Variants in HCCS observed in about 807,000 individuals in gnomAD.
HCCS encodes the protein holocytochrome c-type synthase.
Under a neutral mutation model 24.2 loss-of-function variants are expected in HCCS, and 2 were observed. The ratio of observed to expected loss-of-function variants is 0.08; its 90% CI spans 0.03 to 0.26. The LOEUF is 0.26. HCCS is among the 10% of genes least tolerant of loss of function. The pLI is 1.00. For synonymous variants in HCCS, 73 were observed against 76.2 expected, an observed-to-expected ratio of 0.96 and a Z score of 0.22; for missense variants, 150 against 213.3, an observed-to-expected ratio of 0.70 and a Z score of 1.85.
chrX:11,114,858 T>C lies in HCCS; in HGVS notation c.124T>C (p.Ser42Pro). 8.3e-7 allele frequency: 1 copy of C among 1,210,081 alleles called. No homozygotes were observed. The highest frequency in any genetic ancestry group is 1.8e-5 in the South Asian group (1 of 56,969). Residue 42 changes from serine (S) to proline (P), a missense_variant, in exon 3 of 7, where the codon TCT (serine) becomes CCT (proline). By Grantham distance (74) the Ser-to-Pro change is moderately conservative (BLOSUM62 -1). This residue lies in a region of HCCS where 95 missense variants were observed against 79.1 expected (regional missense o/e 1.20). Coordinates refer to ENST00000380762, the MANE Select transcript of HCCS (RefSeq NM_005333.5). ...MKGCPVNTEP[S>P]GPTCEKKTYS... ...AGGCTGTCCAGTGAATACAGAGCCA[T>C]CTGGCCCAACCTGTGAGAAGAAAAC...
intron 3 of HCCS, 83 bp from the exon 4 acceptor site, chrX:11,117,184 G>A (rs1209517795): frequency 5.0e-6 from 4 of 793,730 alleles, no homozygotes; most frequent in Non-Finnish European, 7.7e-6. Flanking sequence ...CTTTTTGTGT[G>A]ATGTATTGCT....
intron 5 of HCCS, chrX:11,119,970 A>G (rs1427468034): frequency 6.2e-6 from 2 of 323,454 alleles, no homozygotes; most frequent in Admixed American, 3.2e-5. Context: ...TCTCCAGAAG[A>G]AAGTTTTGCC....
chrX:11,115,630 G>A (rs1188975152), intron 3 of HCCS, among the ~76,000 whole-genome samples: 1 of 112,017 alleles, frequency 8.9e-6, no homozygotes, highest in Admixed American at 9.4e-5. Flanking sequence ...GAAATATTTA[G>A]CCTGGAAAAG....
intron 5 of HCCS, among the ~76,000 whole-genome samples, chrX:11,120,658 A>C (rs1473549243): frequency 9.0e-6 from 1 of 110,665 alleles, no homozygotes; most frequent in Non-Finnish European, 1.9e-5. Context: ...CTGACTCCTC[A>C]AAGTGCAGTG....
At chrX:11,116,544 A>G (rs1042334714) in intron 3 of HCCS, among the ~76,000 whole-genome samples, 1 of 113,125 alleles carries the variant, frequency 8.8e-6, no homozygotes, top group African/African-American at 3.2e-5. Context: ...CTTCTAACAC[A>G]GAAAGTTCAA....
chrX:11,116,171 A>C (rs2045447052), intron 3 of HCCS: 1 of 112,827 alleles, frequency 8.9e-6, no homozygotes, highest in Non-Finnish European at 1.9e-5. Context: ...TTAGTCGTAA[A>C]CACTACTGTA....
chrX:11,112,705 G>A (rs2045419497), intron 2 of HCCS, among the ~76,000 whole-genome samples: 1 of 112,998 alleles, frequency 8.8e-6, no homozygotes. Context: ...ACATGAGAAC[G>A]TAGTGAGTAC....
At chrX:11,113,302 T>C (rs957213141) in intron 2 of HCCS, among the ~76,000 whole-genome samples, 2 of 112,390 alleles carry the variant, frequency 1.8e-5, no homozygotes, top group African/African-American at 6.5e-5. Flanking sequence ...TTTTGTTTGT[T>C]TCTGCACGAG....
intron 5 of HCCS, among the ~76,000 whole-genome samples, chrX:11,119,087 A>T (rs1329939799): frequency 1.8e-5 from 2 of 111,765 alleles, no homozygotes; most frequent in Admixed American, 1.9e-4. Context: ...GAAGTCCCAA[A>T]GTGTCAGAAG....
Position 11,112,129 on chromosome X carries a change from A to G in HCCS, c.69A>G (p.Ser23=). The change falls in exon 2 of 7, where the codon TCA becomes TCG. Residue 23 remains serine (S), a synonymous_variant. Coordinates refer to ENST00000380762, the MANE Select transcript of HCCS (RefSeq NM_005333.5). Reference sequence around the variant, plus strand: ...CAAATGCTTCAGCGTCCCCACCTTCAGGATGCCCGATGCATGAAGGGAAAA... The same window carrying G: ...CAAATGCTTCAGCGTCCCCACCTTCGGGATGCCCGATGCATGAAGGGAAAA... ...QASNASASPP[S]GCPMHEGKMK... 1 of 1,205,249 alleles carries G rather than the reference A, an allele frequency of 8.3e-7. No individual in the cohort carries two copies. The highest frequency in any genetic ancestry group is 1.1e-6 in the Non-Finnish European group (1 of 889,366).
At chrX:11,114,733 G>C in intron 2 of HCCS, 102 bp from the exon 3 acceptor site, 1 of 723,892 alleles carries the variant, frequency 1.4e-6, no homozygotes, top group South Asian at 2.1e-5. Context: ...TTTTCCTATG[G>C]TGGTAATCAT....
Position 11,111,337 on chromosome X carries a change from G to T in HCCS, c.-224G>T. 1 of 161,079 alleles carries T rather than the reference G, an allele frequency of 6.2e-6. No individual in the cohort carries two copies. Among genetic ancestry groups the T allele is most frequent in the South Asian group, 9.2e-5 (1 of 10,820 alleles). 13.3% of individuals were successfully genotyped at this position (161,079 alleles called of 1,213,427 possible). A position where few individuals can be genotyped will look rare whatever the true frequency, so the allele number is the denominator to read the frequency against. ...CGCCGGCGGTGACCGCAGCCACAGC[G>T]GTGACCGAGTGAGAGGAAGGCGGCG... On this transcript the variant is annotated 5_prime_UTR_variant, in exon 1 of 7. Coordinates refer to ENST00000380762, the MANE Select transcript of HCCS (RefSeq NM_005333.5).
chrX:11,118,118 T>TA (rs1329383780), intron 4 of HCCS, among the ~76,000 whole-genome samples: 3 of 112,494 alleles, frequency 2.7e-5, no homozygotes, highest in Non-Finnish European at 5.6e-5. Context: ...ATAGGTTTTT[T>TA]AAAAAACTGA....
At chrX:11,112,199 A>G in intron 2 of HCCS, 39 bp downstream of exon 2, 1 of 1,051,561 alleles carries the variant, frequency 9.5e-7, no homozygotes, top group African/African-American at 1.8e-5. Flanking sequence ...AACAAAAGAT[A>G]ATTCACGGCT....
chrX:11,116,380 C>G (rs1309336246), intron 3 of HCCS, among the ~76,000 whole-genome samples: 2 of 112,556 alleles, frequency 1.8e-5, no homozygotes, highest in Non-Finnish European at 3.8e-5. Flanking sequence ...AATCCTTATC[C>G]ACCTCAGACC....
chrX:11,111,607 C>T (rs1484706624), intron 1 of HCCS, 89 bp downstream of exon 1: 1 of 159,003 alleles, frequency 6.3e-6, no homozygotes, highest in East Asian at 1.9e-4. Context: ...CCTATTCATG[C>T]GCCGCACCCT....
At chrX:11,112,876 T>C (rs2045421489) in intron 2 of HCCS, among the ~76,000 whole-genome samples, 1 of 112,306 alleles carries the variant, frequency 8.9e-6, no homozygotes, top group Non-Finnish European at 1.9e-5. Flanking sequence ...GCAGGAGTGC[T>C]CCTAAACATC....
chrX:11,118,328 T>A lies in HCCS; in HGVS notation c.402-173T>A, dbSNP rs760131047. The A allele has an allele frequency of 1.8e-5, 9 of 506,298 alleles. No individual in the cohort carries two copies. In the Admixed American group the frequency reaches 2.4e-4, roughly 14 times the overall value. The allele number at this position is 506,298 out of a possible 1,213,427, so 41.7% of individuals were successfully genotyped here. ...TTGGATTTATAGTGCTGCTCCATGATCATGGGTAAATCTTGAAAATGAGCC... is the reference window on the plus strand; with the variant it reads ...TTGGATTTATAGTGCTGCTCCATGAACATGGGTAAATCTTGAAAATGAGCC... On this transcript the variant is annotated intron_variant, in intron 4 of 6. Coordinates refer to ENST00000380762, the MANE Select transcript of HCCS (RefSeq NM_005333.5).
At chrX:11,113,193 G>A (rs1334675701) in intron 2 of HCCS, among the ~76,000 whole-genome samples, 1 of 112,031 alleles carries the variant, frequency 8.9e-6, no homozygotes, top group Non-Finnish European at 1.9e-5. Context: ...GCAACATGGT[G>A]TGCTTACTGA....
Sources: allele counts gnomAD v4.1 joint callset (sites outside exome capture counted in the v4.1 genomes callset), GRCh38; gene constraint gnomAD v4.1.1; regional missense constraint gnomAD v4.1.1; transcripts MANE v1.5; gene names NCBI Gene and HGNC (gene_info 2026-07-23, HGNC 2026-07-21).